The following CFAP69 variants were observed in gnomAD, a reference collection of about 807,000 sequenced individuals.
CFAP69 encodes cilia- and flagella-associated protein 69.
CFAP69 carries 92 observed loss-of-function variants against 123.0 expected under a neutral mutation model. That is an observed-to-expected ratio of 0.75 (90% confidence interval 0.63 to 0.89). CFAP69 has a LOEUF of 0.89. CFAP69 is among the 40% of genes least tolerant of loss of function. The pLI, the probability that CFAP69 is intolerant of heterozygous loss-of-function variation, is 0.00. For missense variants in CFAP69, 1,067 were observed against 1,096.9 expected (o/e 0.97, Z 0.39); for synonymous variants, 380 against 364.3 (o/e 1.04, Z -0.49).
Position 90,299,962 on chromosome 7 carries a change from G to A in CFAP69, c.1953G>A (p.Gly651=). 1 of 1,612,314 alleles carries A rather than the reference G, an allele frequency of 6.2e-7. No individual in the cohort carries two copies. Among genetic ancestry groups the A allele is most frequent in the South Asian group, 1.1e-5 (1 of 90,848 alleles). ...CAGCTCATGTCAATGCTTGGCAAGGGAAGAAGGATCAGACAGCTGCTAGTC... is the reference window on the plus strand; with the variant it reads ...CAGCTCATGTCAATGCTTGGCAAGGAAAGAAGGATCAGACAGCTGCTAGTC... The part of the protein sequence containing the change: ...KTAAHVNAWQ[G]KKDQTAASLL... Residue 651 remains glycine (G), a synonymous_variant, in exon 17 of 23, where the codon GGG becomes GGA. Coordinates refer to ENST00000389297, the MANE Select transcript of CFAP69 (RefSeq NM_001039706.3).
chr7:90,249,122 C>A (rs1016990121), intron 1 of CFAP69, among the ~76,000 whole-genome samples: 1 of 152,118 alleles, frequency 6.6e-6, no homozygotes, highest in African/African-American at 2.4e-5. Context: ...TTGTAATCCC[C>A]AGGTGTTGAG....
chr7:90,306,853 A>T (rs1240454056), intron 19 of CFAP69, 48 bp from the exon 20 acceptor site: 5 of 1,104,528 alleles, frequency 4.5e-6, no homozygotes, highest in Non-Finnish European at 6.7e-6. Context: ...GTACAATTGC[A>T]TGATTTGTTT....
intron 15 of CFAP69, among the ~76,000 whole-genome samples, chr7:90,290,745 CTTTTCT>C (rs1405512214): frequency 7.6e-3 from 5 of 662 alleles, no homozygotes; most frequent in African/African-American, 0.025. Flanking sequence ...GAAACAATGT[CTTTTCT>C]TTTCTTTTCT....
At chr7:90,280,680 A>G (rs1018351331) in intron 12 of CFAP69, among the ~76,000 whole-genome samples, 1 of 152,248 alleles carries the variant, frequency 6.6e-6, no homozygotes, top group Admixed American at 6.5e-5. Flanking sequence ...GTGGTCTACC[A>G]AATTAGTAGA....
At position 90,277,063 on chromosome 7, in the gene CFAP69, T is replaced by A. The variant is rs1370562042; in HGVS notation, c.985-10T>A. 6.5e-7 allele frequency: 1 copy of A among 1,540,404 alleles called. No homozygotes were observed. Among genetic ancestry groups the A allele is most frequent in the South Asian group, 1.2e-5 (1 of 81,668 alleles). On this transcript the variant is annotated splice_polypyrimidine_tract_variant and intron_variant, in intron 9 of 22. Coordinates refer to ENST00000389297, the MANE Select transcript of CFAP69 (RefSeq NM_001039706.3). ...TTCATCTTTCTGCTTATTTTATGTA[T>A]TTATATTAGGAATGTGGCTTTACCA...
intron 5 of CFAP69, among the ~76,000 whole-genome samples, chr7:90,267,542 T>G (rs1190142390): frequency 6.6e-6 from 1 of 152,182 alleles, no homozygotes; most frequent in South Asian, 2.1e-4. Context: ...AAATACAGGC[T>G]GAAGCCAATT....
chr7:90,309,955 A>T, intron 22 of CFAP69, 113 bp from the exon 23 acceptor site: 2 of 800,816 alleles, frequency 2.5e-6, no homozygotes, highest in Non-Finnish European at 4.0e-6. Flanking sequence ...ACTGCCTCCT[A>T]GTTATTCATT....
Position 90,279,893 on chromosome 7 carries a change from G to A in CFAP69, c.1372G>A (p.Asp458Asn). 4 of 1,571,992 alleles carry A rather than the reference G, an allele frequency of 2.5e-6. No homozygotes were observed. The highest frequency in any genetic ancestry group is 3.4e-6 in the Non-Finnish European group (4 of 1,162,272). The change falls in exon 12 of 23, where the codon GAT becomes AAT. Residue 458 changes from aspartate (D) to asparagine (N), a missense_variant and splice_region_variant. Coordinates refer to ENST00000389297, the MANE Select transcript of CFAP69 (RefSeq NM_001039706.3). ...LAFLEWCESE[D>N]PFFSHGNSFH... ...ATTTCTAGAATGGTGTGAGAGTGAA[G>A]GTGAGTGGCCCTTCAAGATTCTTGT... is the stretch of plus-strand genomic sequence containing the variant.
chr7:90,304,538 A>G, intron 18 of CFAP69: 1 of 1,334,510 alleles, frequency 7.5e-7, no homozygotes, highest in Non-Finnish European at 9.5e-7. Flanking sequence ...ATGACCTGGC[A>G]GAAATGTGTT....
At chr7:90,277,369 A>G (rs13245039) in intron 11 of CFAP69, 35 bp downstream of exon 11, 113,316 of 1,425,672 alleles carry the variant, frequency 0.079, 5,016 homozygotes, top group Non-Finnish European at 0.089. Flanking sequence ...ATCAATAAAA[A>G]TTGTCTTACT....
intron 4 of CFAP69, among the ~76,000 whole-genome samples, chr7:90,264,719 C>A (rs559394878): frequency 2.0e-5 from 3 of 152,006 alleles, no homozygotes; most frequent in East Asian, 3.9e-4. Flanking sequence ...TTAACCTATG[C>A]CTTTTACATC....
rs531005575 is a variant in CFAP69 at position 90,296,389 on chromosome 7, G to A, written c.1776-1360G>A. 5.3e-5 allele frequency among the ~76,000 whole-genome samples: 8 copies of A among 152,026 alleles called. No individual in the cohort carries two copies. The East Asian group carries it at 5.8e-4, about 11-fold the overall frequency. Reference sequence around the variant, plus strand: ...GTCACCCAGCCCGGGGTGCAGTGGCGTGATCTCAGCTCACTGCAACCTCCT... The same window carrying A: ...GTCACCCAGCCCGGGGTGCAGTGGCATGATCTCAGCTCACTGCAACCTCCT... On this transcript the variant is annotated intron_variant, in intron 15 of 22. Transcript: ENST00000389297.
chr7:90,247,404 C>G (rs1180253848), intron 1 of CFAP69, among the ~76,000 whole-genome samples: 1 of 152,182 alleles, frequency 6.6e-6, no homozygotes, highest in African/African-American at 2.4e-5. Context: ...GACAGTATAT[C>G]CTAGTGGCTA....
Position 90,258,068 on chromosome 7 carries a change from A to C in CFAP69, c.181-30A>C, listed in dbSNP as rs775543150. ...AAAATCTCAACAGATTTAAAAGCAC[A>C]AAAGAACTAAAATAGGTGATCTGTT... On this transcript the variant is annotated intron_variant, in intron 2 of 22. Transcript: ENST00000389297. 5.8e-6 allele frequency: 9 copies of C among 1,558,852 alleles called. No individual in the cohort carries two copies. In the South Asian group the frequency reaches 9.4e-5, roughly 16 times the overall value.
chr7:90,306,610 A>C (rs1435537785), intron 19 of CFAP69, among the ~76,000 whole-genome samples: 2 of 152,232 alleles, frequency 1.3e-5, no homozygotes, highest in African/African-American at 2.4e-5. Context: ...TGTGAAATCA[A>C]GGTAACTATA....
chr7:90,283,433 C>T (rs960096813), intron 13 of CFAP69, among the ~76,000 whole-genome samples: 2 of 152,126 alleles, frequency 1.3e-5, no homozygotes, highest in Non-Finnish European at 2.9e-5. Context: ...TAACAGAACA[C>T]TGGTACATTG....
At chr7:90,248,129 G>T (rs187830095) in intron 1 of CFAP69, among the ~76,000 whole-genome samples, 1 of 152,094 alleles carries the variant, frequency 6.6e-6, no homozygotes, top group East Asian at 1.9e-4. Flanking sequence ...TGCAGATTTC[G>T]GTCTGCTCAC....
rs1800018041 is a variant in CFAP69 at position 90,271,972 on chromosome 7, G to C, written c.860+14G>C. On this transcript the variant is annotated intron_variant, in intron 8 of 22. Coordinates refer to ENST00000389297, the MANE Select transcript of CFAP69 (RefSeq NM_001039706.3). ...GGAATGTTTGCTGTAAGCGTATGTG[G>C]TTAGATAGGAATGTTCTTTTAATCT... The C allele has an allele frequency of 6.3e-7, 1 of 1,596,838 alleles. No individual in the cohort carries two copies. The highest frequency in any genetic ancestry group is 1.3e-5 in the African/African-American group (1 of 74,350).
intron 5 of CFAP69, among the ~76,000 whole-genome samples, chr7:90,267,594 CG>C (rs1562861698): frequency 6.6e-6 from 1 of 152,154 alleles, no homozygotes; most frequent in Non-Finnish European, 1.5e-5. Flanking sequence ...CCTTCCTATT[CG>C]CCAACCCCAT....
Sources: gnomAD v4.1 joint callset for allele counts (sites outside exome capture counted in the v4.1 genomes callset) on GRCh38, gnomAD v4.1.1 for gene constraint, MANE v1.5 for transcripts, NCBI Gene and HGNC (gene_info 2026-07-23, HGNC 2026-07-21) for gene names.